The following EPB41 variants were observed in gnomAD, a reference collection of about 807,000 sequenced individuals.
EPB41 encodes the protein erythrocyte membrane protein band 4.1.
EPB41 carries 65 observed loss-of-function variants against 108.0 expected under a neutral mutation model. The observed-to-expected ratio is 0.60, with a 90% confidence interval of 0.49 to 0.74. The LOEUF (loss-of-function observed/expected upper bound fraction) is 0.74, where lower values mean the gene tolerates loss of function less well. EPB41 is among the 30% of genes least tolerant of loss of function. The probability of loss-of-function intolerance (pLI) is 0.00; values close to 1 mark genes in which losing one functional copy is unlikely to be tolerated. For missense variants in EPB41, 875 were observed against 1,037.0 expected, an observed-to-expected ratio of 0.84 and a Z score of 2.15; for synonymous variants, 336 against 358.9, an observed-to-expected ratio of 0.94 and a Z score of 0.72.
At chr1:28,998,079 G>T (rs1278898605) in intron 4 of EPB41, among the ~76,000 whole-genome samples, 1 of 152,170 alleles carries the variant, frequency 6.6e-6, no homozygotes, top group African/African-American at 2.4e-5. Flanking sequence ...CTGCCCTCTG[G>T]AACTTCCAGT....
intron 4 of EPB41, among the ~76,000 whole-genome samples, chr1:29,002,046 T>C (rs2096303717): frequency 6.6e-6 from 1 of 152,226 alleles, no homozygotes. Context: ...AAGTTACTTG[T>C]CCTTCTGTTT....
intron 16 of EPB41, among the ~76,000 whole-genome samples, chr1:29,085,184 C>G (rs1658304034): frequency 7.3e-6 from 1 of 136,218 alleles, no homozygotes; most frequent in African/African-American, 2.8e-5. Flanking sequence ...CACTCAGTTG[C>G]CAGGCTGGAG....
intron 6 of EPB41, among the ~76,000 whole-genome samples, chr1:29,016,919 A>G (rs2096585988): frequency 6.6e-6 from 1 of 152,184 alleles, no homozygotes. Context: ...GATAGTTTCC[A>G]TATCTCTCAA....
intron 16 of EPB41, among the ~76,000 whole-genome samples, chr1:29,086,753 T>C (rs1279675133): frequency 6.6e-6 from 1 of 152,132 alleles, no homozygotes; most frequent in Non-Finnish European, 1.5e-5. Flanking sequence ...TGTTTTTCTA[T>C]TGCCACTAAA....
intron 1 of EPB41, among the ~76,000 whole-genome samples, chr1:28,915,055 A>ACGAGGGAAAAT (rs2307562): frequency 0.89 from 134,582 of 151,850 alleles, 59,751 homozygotes; most frequent in East Asian, 1. Context: ...TGTATTTTTG[A>ACGAGGGAAAAT]CGGTCCCCTC....
rs558997963 is a variant in EPB41, at chr1:29,085,085, G to A, written c.2185-12722G>A. Among the ~76,000 whole-genome samples, 7 of 150,398 alleles carry A rather than the reference G, an allele frequency of 4.7e-5. No homozygotes were observed. The East Asian group carries it at 5.9e-4, about 13-fold the overall frequency. Reference sequence around the variant, plus strand: ...TGATGTGATAGAATCAATCTATAGTGTATATCACTAACCTAAAGTTATTGT... The same window carrying A: ...TGATGTGATAGAATCAATCTATAGTATATATCACTAACCTAAAGTTATTGT... On this transcript the variant is annotated intron_variant, in intron 16 of 20. Transcript: ENST00000343067.
chr1:28,914,380 G>C (rs1052475483), upstream of EPB41, among the ~76,000 whole-genome samples: 5 of 152,172 alleles, frequency 3.3e-5, no homozygotes, highest in African/African-American at 9.7e-5. Context: ...TCTCCTTACC[G>C]GCCTAGGGGA....
chr1:28,956,822 C>A (rs1005549552), intron 1 of EPB41, among the ~76,000 whole-genome samples: 2 of 152,144 alleles, frequency 1.3e-5, no homozygotes, highest in African/African-American at 2.4e-5. Flanking sequence ...AGCTTGCAGT[C>A]TAGCAATATA....
chr1:29,050,136 G>A (rs1450251264), intron 11 of EPB41, among the ~76,000 whole-genome samples: 2 of 152,204 alleles, frequency 1.3e-5, no homozygotes, highest in African/African-American at 2.4e-5. Context: ...ACTACTATAT[G>A]TGACTGAGTG....
At chr1:28,982,554 A>T in intron 1 of EPB41, 2 of 1,464,470 alleles carry the variant, frequency 1.4e-6, no homozygotes, top group Non-Finnish European at 1.9e-6. Context: ...CTTTGCATCC[A>T]GAGTAGCGTC....
chr1:29,091,109 A>G lies in EPB41; in HGVS notation c.2185-6698A>G, dbSNP rs556098370. ...AAAAAGAGATTGTTCTGTCTAATTT[A>G]ACTCAGCAGTAGGCAAGTTTGGGTC... On this transcript the variant is annotated intron_variant, in intron 16 of 20. Coordinates refer to ENST00000343067, the MANE Select transcript of EPB41 (RefSeq NM_001376013.1). Among the ~76,000 whole-genome samples, 5 of 152,320 alleles carry G rather than the reference A, an allele frequency of 3.3e-5. No individual in the cohort carries two copies. In the East Asian group the frequency reaches 9.6e-4, roughly 29 times the overall value.
intron 14 of EPB41, among the ~76,000 whole-genome samples, chr1:29,059,496 C>T (rs1480636360): frequency 6.6e-6 from 1 of 151,878 alleles, no homozygotes; most frequent in East Asian, 1.9e-4. Context: ...ACCATCATAG[C>T]TGGCTGTGAT....
rs151308082 is a variant in EPB41 at position 29,075,811 on chromosome 1, T to G, written c.2184+10653T>G. The stretch of plus-strand genomic sequence containing the variant: ...ACCAGCAAAGTACTCTATTATATAT[T>G]ACAAGGATGCAAAGAGTCAGCATTA... On this transcript the variant is annotated intron_variant, in intron 16 of 20. Coordinates refer to ENST00000343067, the MANE Select transcript of EPB41 (RefSeq NM_001376013.1). Among the ~76,000 whole-genome samples the G allele has an allele frequency of 8.5e-3, 1,288 of 152,340 alleles. 11 individuals are homozygous for G. The highest frequency in any genetic ancestry group is 0.078 in the Middle Eastern group (23 of 294).
At chr1:28,969,393 A>T (rs1557857677) in intron 1 of EPB41, among the ~76,000 whole-genome samples, 1 of 151,960 alleles carries the variant, frequency 6.6e-6, no homozygotes, top group Non-Finnish European at 1.5e-5. Context: ...CCCATGTCTT[A>T]CTTTTCTTTA....
intron 16 of EPB41, among the ~76,000 whole-genome samples, chr1:29,081,553 C>T (rs1049774676): frequency 6.6e-6 from 1 of 152,058 alleles, no homozygotes. Flanking sequence ...ACTAATGCTT[C>T]GGCTGGGCAC....
intron 15 of EPB41, 137 bp from the exon 16 acceptor site, chr1:29,064,845 A>G: frequency 9.2e-7 from 1 of 1,087,688 alleles, no homozygotes; most frequent in Non-Finnish European, 1.3e-6. Flanking sequence ...TATATTTATA[A>G]TCTGAATGCA....
intron 12 of EPB41, 21 bp from the exon 13 acceptor site, chr1:29,058,568 A>G (rs1389857547): frequency 1.2e-6 from 2 of 1,608,320 alleles, no homozygotes; most frequent in Non-Finnish European, 1.7e-6. Context: ...TGTTTTTACT[A>G]CTTTTATTTC....
chr1:28,943,241 C>G (rs1172410485), intron 1 of EPB41, among the ~76,000 whole-genome samples: 2 of 152,024 alleles, frequency 1.3e-5, no homozygotes, highest in Non-Finnish European at 2.9e-5. Flanking sequence ...CAAAACTAAT[C>G]GAGTCAAAAA....
chr1:29,049,565 GAC>G (rs1295705272), intron 11 of EPB41, among the ~76,000 whole-genome samples: 2 of 152,120 alleles, frequency 1.3e-5, no homozygotes, highest in Admixed American at 1.3e-4. Flanking sequence ...TGTATCAGAG[GAC>G]ACAAATGATT....
Sources: allele counts gnomAD v4.1 joint callset (sites outside exome capture counted in the v4.1 genomes callset), GRCh38; gene constraint gnomAD v4.1.1; transcripts MANE v1.5; gene names NCBI Gene and HGNC (gene_info 2026-07-23, HGNC 2026-07-21).